CHM: variants seen among roughly 807,000 people sequenced by gnomAD.
The protein encoded by CHM is rab proteins geranylgeranyltransferase component A 1.
Under a neutral mutation model 49.0 loss-of-function variants are expected in CHM, and 10 were observed. That is an observed-to-expected ratio of 0.20 (90% CI 0.13 to 0.35). The LOEUF is 0.35. Among genes scored for constraint, CHM ranks in the 10% least tolerant of loss-of-function variants. CHM has a pLI of 1.00. For synonymous variants in CHM, 184 were observed against 167.5 expected, an observed-to-expected ratio of 1.10 and a Z score of -0.76; for missense variants, 455 against 478.4, an observed-to-expected ratio of 0.95 and a Z score of 0.46.
chrX:85,948,400 T>C (rs1274815223), intron 8 of CHM, among the ~76,000 whole-genome samples: 1 of 111,949 alleles, frequency 8.9e-6, no homozygotes, highest in African/African-American at 3.2e-5. Context: ...TTTAATGACT[T>C]TTCTTCCAAT....
intron 1 of CHM, among the ~76,000 whole-genome samples, chrX:86,042,391 T>C (rs775228764): frequency 4.5e-5 from 5 of 111,172 alleles, no homozygotes; most frequent in African/African-American, 1.6e-4. Context: ...TGTACAAGCA[T>C]GGTACAGGCA....
intron 12 of CHM, among the ~76,000 whole-genome samples, chrX:85,887,595 T>C (rs756319924): frequency 1.3e-4 from 14 of 110,678 alleles, no homozygotes; most frequent in African/African-American, 3.6e-4. Context: ...CAGGGAGGGG[T>C]TGGAACAGTT....
intron 2 of CHM, among the ~76,000 whole-genome samples, chrX:86,020,546 A>T (rs1348478893): frequency 9.3e-6 from 1 of 107,073 alleles, no homozygotes; most frequent in East Asian, 2.9e-4. Context: ...TATTGCAAAC[A>T]TTACAAAATA....
intron 3 of CHM, among the ~76,000 whole-genome samples, chrX:85,980,008 G>A (rs1448007388): frequency 9.0e-6 from 1 of 111,552 alleles, no homozygotes; most frequent in African/African-American, 3.3e-5. Flanking sequence ...GAAAGGGAAT[G>A]GAGAGACAAA....
chrX:85,963,175 C>G (rs1251469179), intron 5 of CHM, among the ~76,000 whole-genome samples: 2 of 111,485 alleles, frequency 1.8e-5, no homozygotes, highest in African/African-American at 6.5e-5. Flanking sequence ...CTATCCCTTC[C>G]CTAACCCCCA....
chrX:85,975,289 G>T (rs1931190570), intron 4 of CHM, among the ~76,000 whole-genome samples: 1 of 111,987 alleles, frequency 8.9e-6, no homozygotes, highest in Admixed American at 9.5e-5. Context: ...ATACACTTGG[G>T]TATTTATCCC....
intron 2 of CHM, among the ~76,000 whole-genome samples, chrX:85,993,321 C>A (rs990978633): frequency 9.0e-6 from 1 of 111,142 alleles, no homozygotes; most frequent in East Asian, 2.8e-4. Flanking sequence ...GCCTCCTATC[C>A]TGAGAAAAAA....
chrX:85,951,060 A>G (rs12387546), intron 8 of CHM, among the ~76,000 whole-genome samples: 18,969 of 111,300 alleles, frequency 0.17, 1,545 homozygotes, highest in Non-Finnish European at 0.25. Context: ...AAGAAGAAAA[A>G]GTTATTTTCA....
chrX:86,012,695 C>A (rs1336313546), intron 2 of CHM, among the ~76,000 whole-genome samples: 2 of 111,353 alleles, frequency 1.8e-5, no homozygotes, highest in South Asian at 3.8e-4. Context: ...TTGGCAAATT[C>A]TTTTTACCAA....
At chrX:85,988,542 G>C (rs1000391327) in intron 2 of CHM, among the ~76,000 whole-genome samples, 5 of 111,255 alleles carry the variant, frequency 4.5e-5, no homozygotes, top group African/African-American at 6.5e-5. Context: ...GCATCCAAAA[G>C]AAAAAGAGGA....
chrX:85,945,431 CCTCT>C (rs76934031), intron 8 of CHM, among the ~76,000 whole-genome samples: 22,069 of 99,637 alleles, frequency 0.22, 2,100 homozygotes, highest in Non-Finnish European at 0.25. Flanking sequence ...GTGGCATCTC[CCTCT>C]CTCTCTCTCT....
intron 4 of CHM, among the ~76,000 whole-genome samples, chrX:85,968,353 G>A (rs186252754): frequency 1.8e-4 from 20 of 112,211 alleles, no homozygotes; most frequent in African/African-American, 5.5e-4. Context: ...TCAACCTCTT[G>A]TCATGTTTAC....
At chrX:85,932,532 T>A (rs1218043753) in intron 8 of CHM, among the ~76,000 whole-genome samples, 2 of 112,196 alleles carry the variant, frequency 1.8e-5, no homozygotes, top group African/African-American at 6.5e-5. Context: ...TGCAGTCTCA[T>A]CGTGGCTAGA....
intron 2 of CHM, among the ~76,000 whole-genome samples, chrX:85,998,940 C>T (rs1932571950): frequency 9.0e-6 from 1 of 110,790 alleles, no homozygotes; most frequent in Admixed American, 9.6e-5. Flanking sequence ...ATATACGTTG[C>T]TTGAATTCTT....
chrX:85,953,796 T>G (rs999166649), intron 8 of CHM, among the ~76,000 whole-genome samples: 1 of 112,082 alleles, frequency 8.9e-6, no homozygotes, highest in African/African-American at 3.2e-5. Flanking sequence ...GAATTAAATC[T>G]AATGCCTCAA....
intron 8 of CHM, among the ~76,000 whole-genome samples, chrX:85,938,469 A>G (rs1469496550): frequency 9.1e-6 from 1 of 110,190 alleles, no homozygotes; most frequent in Non-Finnish European, 1.9e-5. Flanking sequence ...CTTTTTGTCA[A>G]TCTACTGCAC....
chrX:85,877,473 G>C (rs756949957), intron 13 of CHM, among the ~76,000 whole-genome samples: 1 of 111,791 alleles, frequency 8.9e-6, no homozygotes, highest in South Asian at 3.7e-4. Flanking sequence ...AGAGGGAAAA[G>C]TGGGGATGGT....
chrX:85,905,202 T>C (rs1279681796), intron 9 of CHM, among the ~76,000 whole-genome samples: 1 of 111,442 alleles, frequency 9.0e-6, no homozygotes, highest in Non-Finnish European at 1.9e-5. Context: ...GCAGTTTTCC[T>C]ACCTCAAATC....
At chrX:85,999,527 C>T (rs1932602246) in intron 2 of CHM, among the ~76,000 whole-genome samples, 1 of 111,622 alleles carries the variant, frequency 9.0e-6, no homozygotes, top group African/African-American at 3.2e-5. Context: ...CAGTTGAGGT[C>T]ATGTAAATGA....
Sources: gnomAD v4.1 joint callset for allele counts (sites outside exome capture counted in the v4.1 genomes callset) on GRCh38, gnomAD v4.1.1 for gene constraint, MANE v1.5 for transcripts, NCBI Gene and HGNC (gene_info 2026-07-23, HGNC 2026-07-21) for gene names.